HDAC4: variants seen among roughly 807,000 people sequenced by gnomAD.
HDAC4 encodes histone deacetylase A.
HDAC4 carries 16 observed loss-of-function variants against 135.1 expected under a neutral mutation model. The observed-to-expected ratio is 0.12, with a 90% CI of 0.08 to 0.18. The LOEUF (loss-of-function observed/expected upper bound fraction) is 0.18. Ranked by LOEUF, HDAC4 falls within the 10% of genes least tolerant of loss-of-function variation. The pLI is 1.00. For missense variants in HDAC4, 1,143 were observed against 1,511.8 expected, an observed-to-expected ratio of 0.76 and a Z score of 4.05; for synonymous variants, 685 against 653.4, an observed-to-expected ratio of 1.05 and a Z score of -0.74.
rs2040810977 is a variant in HDAC4 at position 239,134,447 on chromosome 2, G to T, written c.1096-4C>A. Reference sequence around the variant, plus strand: ...CGTCCTGCTGGCCCGCCGTGCCCTGGAAAGCACAGCCAGGATGCTCGGGTG... The same window carrying T: ...CGTCCTGCTGGCCCGCCGTGCCCTGTAAAGCACAGCCAGGATGCTCGGGTG... On this transcript the variant is annotated splice_polypyrimidine_tract_variant and splice_region_variant and intron_variant, in intron 10 of 26. Transcript: ENST00000543185. The T allele has an allele frequency of 6.2e-7, 1 of 1,613,598 alleles. No homozygotes were observed. The highest frequency in any genetic ancestry group is 1.3e-5 in the African/African-American group (1 of 74,906).
intron 1 of HDAC4, among the ~76,000 whole-genome samples, chr2:239,364,101 C>T (rs1694018283): frequency 6.6e-6 from 1 of 152,192 alleles, no homozygotes; most frequent in Non-Finnish European, 1.5e-5. Context: ...GGCACTCACA[C>T]ACGAGGTTAC....
intron 6 of HDAC4, among the ~76,000 whole-genome samples, chr2:239,160,559 C>T (rs1051282518): frequency 6.6e-6 from 1 of 152,254 alleles, no homozygotes; most frequent in Non-Finnish European, 1.5e-5. Flanking sequence ...TCTGAATTTC[C>T]CATCAGTGGA....
intron 2 of HDAC4, among the ~76,000 whole-genome samples, chr2:239,351,348 A>C (rs1166067806): frequency 1.3e-5 from 2 of 152,240 alleles, no homozygotes; most frequent in Non-Finnish European, 2.9e-5. Context: ...TGCTTATAAC[A>C]CATTAAAATG....
chr2:239,252,464 C>T (rs2124978715), intron 2 of HDAC4, among the ~76,000 whole-genome samples: 1 of 152,386 alleles, frequency 6.6e-6, no homozygotes, highest in East Asian at 1.9e-4. Flanking sequence ...AGCAAGTCCT[C>T]TGACTTTCCC....
chr2:239,111,693 T>C lies in HDAC4; in HGVS notation c.1811A>G (p.Gln604Arg), dbSNP rs2038684905. The C allele has an allele frequency of 6.2e-7, 1 of 1,600,938 alleles. No homozygotes were observed. ...GTTCCTCAGCTGGTGGATCCGCTGC[T>C]GCTCCAGCAGGAGGGCTTGCTGCGG... ...LFRQQALLLE[Q>R]QRIHQLRNYQ... The change falls in exon 14 of 27, where the codon CAG (glutamine) becomes CGG (arginine). Residue 604 changes from glutamine (Q) to arginine (R), a missense_variant. Coordinates refer to ENST00000543185, the MANE Select transcript of HDAC4 (RefSeq NM_001378414.1).
Position 239,052,834 on chromosome 2 carries a change from GGC to G in HDAC4, c.*261_*262del. On this transcript the variant is annotated 3_prime_UTR_variant, in exon 27 of 27. Transcript: ENST00000543185. ...TTGCGGGACCCGCCAGAGTGTGCTT[GGC>G]TTCCGCGTGTCCGTGTGTCTGCGCG... 1 of 531,582 alleles carries G rather than the reference GGC, an allele frequency of 1.9e-6. No homozygotes were observed. Among genetic ancestry groups the G allele is most frequent in the Non-Finnish European group, 3.4e-6 (1 of 295,704 alleles). 32.9% of individuals were successfully genotyped at this position (531,582 alleles called of 1,614,324 possible). A position where few individuals can be genotyped will look rare whatever the true frequency, so the allele number is the denominator to read the frequency against.
intron 3 of HDAC4, chr2:239,191,039 G>A (rs896623515): frequency 8.7e-6 from 4 of 459,864 alleles, no homozygotes; most frequent in South Asian, 3.1e-5. Flanking sequence ...TCTCAGACAC[G>A]CGACTCTGCC....
At chr2:239,168,739 G>A (rs528533989) in intron 5 of HDAC4, among the ~76,000 whole-genome samples, 72 of 152,316 alleles carry the variant, frequency 4.7e-4, no homozygotes, top group African/African-American at 1.0e-3. Flanking sequence ...AAGAGCCCCC[G>A]AGTGGCGTCC....
intron 2 of HDAC4, among the ~76,000 whole-genome samples, chr2:239,334,172 TA>T (rs1467263749): frequency 1.3e-5 from 2 of 152,016 alleles, no homozygotes; most frequent in Non-Finnish European, 2.9e-5. Context: ...ATTACAAAAA[TA>T]AAATTCCCCC....
intron 24 of HDAC4, among the ~76,000 whole-genome samples, chr2:239,056,269 G>C (rs954553607): frequency 6.6e-6 from 1 of 152,232 alleles, no homozygotes; most frequent in Non-Finnish European, 1.5e-5. Context: ...TGGGTCAGGA[G>C]GGATGATGAG....
intron 23 of HDAC4, 35 bp from the exon 24 acceptor site, chr2:239,066,890 G>A (rs965455324): frequency 6.2e-7 from 1 of 1,602,958 alleles, no homozygotes; most frequent in African/African-American, 1.3e-5. Context: ...AGTGTGAACG[G>A]GGGAGGACCG....
intron 2 of HDAC4, among the ~76,000 whole-genome samples, chr2:239,302,045 A>C (rs1479818930): frequency 6.6e-6 from 1 of 152,230 alleles, no homozygotes; most frequent in Non-Finnish European, 1.5e-5. Context: ...GAGGTCAAGA[A>C]TAATTCCTAG....
chr2:239,153,793 CTT>C (rs1220956728), intron 7 of HDAC4, among the ~76,000 whole-genome samples: 2 of 152,214 alleles, frequency 1.3e-5, no homozygotes, highest in East Asian at 3.8e-4. Flanking sequence ...GTGTTGGAGA[CTT>C]TGCTTCCAAT....
chr2:239,097,752 G>A (rs1377091277), intron 16 of HDAC4, among the ~76,000 whole-genome samples: 2 of 152,248 alleles, frequency 1.3e-5, no homozygotes, highest in African/African-American at 4.8e-5. Context: ...CAAGCCACCT[G>A]CTGTCCTGCT....
At chr2:239,061,190 T>G (rs1207392320) in intron 24 of HDAC4, among the ~76,000 whole-genome samples, 1 of 151,892 alleles carries the variant, frequency 6.6e-6, no homozygotes, top group Non-Finnish European at 1.5e-5. Context: ...CGTGACAGCA[T>G]GTGCTTGTGG....
chr2:239,376,787 T>C (rs1025731873), intron 1 of HDAC4, among the ~76,000 whole-genome samples: 2 of 151,540 alleles, frequency 1.3e-5, no homozygotes, highest in African/African-American at 4.9e-5. Context: ...ATCCTCATAA[T>C]GCAGGCATAC....
rs1253441619 is a variant in HDAC4, at chr2:239,331,424, C to T, written c.22+21254G>A. Among the ~76,000 whole-genome samples the T allele has an allele frequency of 6.6e-6, 1 of 152,132 alleles. No individual in the cohort carries two copies. The highest frequency in any genetic ancestry group is 1.5e-5 in the Non-Finnish European group (1 of 68,028). ...CTCATAAAATATCTGAATAAAAGTG[C>T]TATAAGAGCTGCTCAAGGCTGCAGA... is the stretch of plus-strand genomic sequence containing the variant. On this transcript the variant is annotated intron_variant, in intron 2 of 26. Coordinates refer to ENST00000543185, the MANE Select transcript of HDAC4 (RefSeq NM_001378414.1). The surrounding 1 kb of genome is among the most constrained non-coding windows in gnomAD (Gnocchi z 4.5).
chr2:239,310,397 C>G (rs138578374), intron 2 of HDAC4, among the ~76,000 whole-genome samples: 29 of 152,300 alleles, frequency 1.9e-4, no homozygotes, highest in South Asian at 1.4e-3. Context: ...TTTGCTCCCC[C>G]CCGAACCAAG....
intron 1 of HDAC4, among the ~76,000 whole-genome samples, chr2:239,376,702 A>G (rs1695036666): frequency 6.6e-6 from 1 of 152,176 alleles, no homozygotes; most frequent in South Asian, 2.1e-4. Context: ...TCCTGAATAC[A>G]GCCTGAGTGG....
Sources: gnomAD v4.1 joint callset for allele counts (sites outside exome capture counted in the v4.1 genomes callset) on GRCh38, gnomAD v4.1.1 for gene constraint, Gnocchi (gnomAD v3.1) non-coding constraint, MANE v1.5 for transcripts, NCBI Gene and HGNC (gene_info 2026-07-23, HGNC 2026-07-21) for gene names.